Variants in PLD5 observed in about 807,000 individuals in gnomAD.
PLD5 encodes the protein phospholipase D family member 5.
In PLD5, 36 loss-of-function variants were observed where a neutral mutation model predicts 61.1. That is an observed-to-expected ratio of 0.59 (90% confidence interval 0.45 to 0.78). PLD5 has a LOEUF of 0.78. Ranked by LOEUF, PLD5 falls within the 30% of genes least tolerant of loss-of-function variation. The pLI, the probability that PLD5 is intolerant of heterozygous loss-of-function variation, is 0.00. For missense variants in PLD5, 515 were observed against 644.4 expected (o/e 0.80, Z 2.17); for synonymous variants, 243 against 242.8 (o/e 1.00, Z -0.01).
At chr1:242,128,137 T>C (rs1662941499) in intron 5 of PLD5, among the ~76,000 whole-genome samples, 2 of 152,020 alleles carry the variant, frequency 1.3e-5, no homozygotes, top group Admixed American at 1.3e-4. Context: ...AGACCATGTC[T>C]TTACAAAAAA....
intron 1 of PLD5, among the ~76,000 whole-genome samples, chr1:242,376,694 T>TAA (rs937553920): frequency 2.6e-5 from 4 of 152,180 alleles, no homozygotes; most frequent in Non-Finnish European, 5.9e-5. Context: ...ACAAAGAGTA[T>TAA]AAAAAGTTGT....
At chr1:242,149,919 G>C (rs1448970332) in intron 5 of PLD5, among the ~76,000 whole-genome samples, 1 of 151,628 alleles carries the variant, frequency 6.6e-6, no homozygotes, top group Non-Finnish European at 1.5e-5. Flanking sequence ...ATTTGTTCAA[G>C]AACTAGATTT....
intron 1 of PLD5, chr1:242,376,966 T>C (rs917534662): frequency 2.6e-4 from 419 of 1,611,476 alleles, no homozygotes; most frequent in Non-Finnish European, 3.5e-4. Flanking sequence ...ATGAAGGCCA[T>C]GCCGTGTATC....
chr1:242,247,007 G>C (rs925014646), intron 4 of PLD5, among the ~76,000 whole-genome samples: 1 of 135,118 alleles, frequency 7.4e-6, no homozygotes. Context: ...TTTTTGAGAC[G>C]GAGTTTCGCT....
At chr1:242,217,881 A>T (rs1670313245) in intron 5 of PLD5, among the ~76,000 whole-genome samples, 1 of 152,230 alleles carries the variant, frequency 6.6e-6, no homozygotes, top group Non-Finnish European at 1.5e-5. Flanking sequence ...AGCAAGGGAA[A>T]GTGGTTGAGA....
intron 2 of PLD5, among the ~76,000 whole-genome samples, chr1:242,333,609 G>T (rs1177377494): frequency 2.0e-5 from 3 of 151,990 alleles, no homozygotes; most frequent in African/African-American, 7.3e-5. Flanking sequence ...TAAGTGTAAG[G>T]TTCAATGGTA....
At chr1:242,483,618 T>C (rs923470634) in intron 1 of PLD5, among the ~76,000 whole-genome samples, 4 of 152,156 alleles carry the variant, frequency 2.6e-5, no homozygotes, top group Non-Finnish European at 4.4e-5. Context: ...TGGGAGACTT[T>C]AACACCCCAC....
intron 4 of PLD5, among the ~76,000 whole-genome samples, chr1:242,244,611 T>A (rs1053836794): frequency 6.6e-6 from 1 of 152,190 alleles, no homozygotes; most frequent in Non-Finnish European, 1.5e-5. Context: ...CAGGGTGTCA[T>A]TTCCAACGGC....
At chr1:242,212,259 C>T (rs1038052514) in intron 5 of PLD5, among the ~76,000 whole-genome samples, 9 of 152,296 alleles carry the variant, frequency 5.9e-5, no homozygotes, top group East Asian at 1.9e-4. Flanking sequence ...TATGCTACAG[C>T]GAAGAGACCC....
chr1:242,441,945 G>C (rs561959828), intron 1 of PLD5, among the ~76,000 whole-genome samples: 36 of 152,310 alleles, frequency 2.4e-4, no homozygotes, highest in Middle Eastern at 6.8e-3. Context: ...CTTTGCTATT[G>C]ATAATTTATC....
intron 8 of PLD5, among the ~76,000 whole-genome samples, chr1:242,107,403 C>G (rs1282190018): frequency 6.9e-6 from 1 of 144,122 alleles, no homozygotes; most frequent in Admixed American, 7.3e-5. Flanking sequence ...CAGAGCAAAA[C>G]CCTATCTCAA....
intron 1 of PLD5, among the ~76,000 whole-genome samples, chr1:242,523,734 C>A (rs1317530574): frequency 6.6e-6 from 1 of 152,224 alleles, no homozygotes; most frequent in Non-Finnish European, 1.5e-5. Flanking sequence ...AGCCCACTAC[C>A]ATGCAACGCC....
chr1:242,166,843 T>C (rs1465844451), intron 5 of PLD5, among the ~76,000 whole-genome samples: 1 of 152,076 alleles, frequency 6.6e-6, no homozygotes, highest in Non-Finnish European at 1.5e-5. Context: ...AATTCATCCT[T>C]CTTTAAAATT....
intron 3 of PLD5, among the ~76,000 whole-genome samples, chr1:242,287,583 A>G (rs1675099715): frequency 6.6e-6 from 1 of 152,136 alleles, no homozygotes; most frequent in Admixed American, 6.5e-5. Flanking sequence ...TAAGCTTAAT[A>G]CCACTACATT....
intron 9 of PLD5, among the ~76,000 whole-genome samples, chr1:242,093,330 A>G (rs1659983104): frequency 6.6e-6 from 1 of 152,158 alleles, no homozygotes; most frequent in South Asian, 2.1e-4. Flanking sequence ...TCTTCTATTC[A>G]TTCCGTAAGC....
intron 1 of PLD5, among the ~76,000 whole-genome samples, chr1:242,507,919 C>T (rs1668777710): frequency 6.6e-6 from 1 of 151,936 alleles, no homozygotes; most frequent in South Asian, 2.1e-4. Context: ...GGTTGTAGGA[C>T]TTATTATTCT....
chr1:242,340,496 G>A (rs1232233456), intron 2 of PLD5, among the ~76,000 whole-genome samples: 1 of 150,072 alleles, frequency 6.7e-6, no homozygotes, highest in Admixed American at 6.6e-5. Flanking sequence ...AAAGTAAGAT[G>A]AAAGTAAAAA....
At chr1:242,194,927 T>A (rs1255442174) in intron 5 of PLD5, among the ~76,000 whole-genome samples, 2 of 152,108 alleles carry the variant, frequency 1.3e-5, no homozygotes, top group Non-Finnish European at 2.9e-5. Context: ...GGGTTCAGTG[T>A]ATACTGCTCG....
upstream of PLD5, among the ~76,000 whole-genome samples, chr1:242,527,114 C>CTTTTTTTTTTTTTTTTTT (rs530334746): frequency 2.5e-4 from 18 of 71,976 alleles, 2 homozygotes; most frequent in East Asian, 7.9e-4. Context: ...CTATCTCCTT[C>CTTTTTTTTTTTTTTTTTT]TTTTTTTTTT....
Sources: gnomAD v4.1 joint callset for allele counts (sites outside exome capture counted in the v4.1 genomes callset) on GRCh38, gnomAD v4.1.1 for gene constraint, MANE v1.5 for transcripts, NCBI Gene and HGNC (gene_info 2026-07-23, HGNC 2026-07-21) for gene names.